CDIN1: variants seen among roughly 807,000 people sequenced by gnomAD.
The protein encoded by CDIN1 is CDAN1-interacting nuclease 1.
A neutral mutation model predicts 45.3 loss-of-function variants in CDIN1; 33 were observed. The ratio of observed to expected loss-of-function variants is 0.73; its 90% CI spans 0.55 to 0.97. The LOEUF (loss-of-function observed/expected upper bound fraction) is 0.97, where lower values mean the gene tolerates loss of function less well. CDIN1 is among the 50% of genes least tolerant of loss of function. The probability of loss-of-function intolerance (pLI) is 0.00; values close to 1 mark genes in which losing one functional copy is unlikely to be tolerated. For missense variants in CDIN1, 303 were observed against 339.4 expected (o/e 0.89, Z 0.84); for synonymous variants, 118 against 124.4 (o/e 0.95, Z 0.34).
intron 10 of CDIN1, among the ~76,000 whole-genome samples, chr15:36,767,810 T>A (rs1488944788): frequency 1.3e-5 from 2 of 152,176 alleles, no homozygotes; most frequent in African/African-American, 4.8e-5. Context: ...ACAGACAGTA[T>A]AGGTGACATC....
chr15:36,659,058 G>A (rs1412976683), intron 5 of CDIN1, among the ~76,000 whole-genome samples: 2 of 152,178 alleles, frequency 1.3e-5, no homozygotes, highest in Non-Finnish European at 2.9e-5. Flanking sequence ...CTTCGCAGCA[G>A]CACCGCCATT....
chr15:36,739,129 A>C (rs1377653182), intron 10 of CDIN1, among the ~76,000 whole-genome samples: 1 of 152,240 alleles, frequency 6.6e-6, no homozygotes, highest in African/African-American at 2.4e-5. Context: ...GCAGTGGCTC[A>C]TGCCTATAAT....
At chr15:36,647,922 C>T (rs1478874418) in intron 3 of CDIN1, among the ~76,000 whole-genome samples, 1 of 150,062 alleles carries the variant, frequency 6.7e-6, no homozygotes, top group African/African-American at 2.5e-5. Context: ...TCACTGCAAA[C>T]TCCGCCTCCC....
At chr15:36,609,779 T>A (rs1323584591) in intron 1 of CDIN1, among the ~76,000 whole-genome samples, 1 of 152,206 alleles carries the variant, frequency 6.6e-6, no homozygotes, top group Non-Finnish European at 1.5e-5. Context: ...AGTCACTTAC[T>A]GTCTTGGAGC....
intron 10 of CDIN1, among the ~76,000 whole-genome samples, chr15:36,760,723 G>C (rs1290993728): frequency 3.3e-5 from 5 of 150,870 alleles, no homozygotes; most frequent in Admixed American, 2.6e-4. Context: ...AATGGTGGTG[G>C]TGGTGCTGGT....
chr15:36,734,902 C>T (rs965850607), intron 10 of CDIN1, among the ~76,000 whole-genome samples: 2 of 152,106 alleles, frequency 1.3e-5, no homozygotes, highest in African/African-American at 4.8e-5. Context: ...TCTCCTGTGT[C>T]TAGACTTCCA....
chr15:36,782,593 T>C (rs2054380829), intron 10 of CDIN1, among the ~76,000 whole-genome samples: 1 of 152,152 alleles, frequency 6.6e-6, no homozygotes, highest in Non-Finnish European at 1.5e-5. Flanking sequence ...AGCGCACTTG[T>C]GTGTGTGTAG....
At chr15:36,613,693 G>A (rs1198276552) in intron 1 of CDIN1, 7 of 1,498,676 alleles carry the variant, frequency 4.7e-6, no homozygotes. Context: ...CTACTGCCCT[G>A]CAAAAGCTAG....
At chr15:36,756,037 G>C in intron 10 of CDIN1, 1 of 455,940 alleles carries the variant, frequency 2.2e-6, no homozygotes, top group Non-Finnish European at 4.4e-6. Context: ...GCAAGGAGAA[G>C]CGTTGATGCC....
rs2055323864 is a variant in CDIN1, at chr15:36,809,079, G to A, written c.*626G>A. On this transcript the variant is annotated 3_prime_UTR_variant, in exon 11 of 11. Transcript: ENST00000566621. Reference sequence around the variant, plus strand: ...ATCTTTACGGCTTCCTGACTTCTGTGACAGTAAGCCAAGTGCAAAAATACA... The same window carrying A: ...ATCTTTACGGCTTCCTGACTTCTGTAACAGTAAGCCAAGTGCAAAAATACA... 8.0e-6 allele frequency: 3 copies of A among 372,898 alleles called. No individual in the cohort carries two copies. The highest frequency in any genetic ancestry group is 1.6e-5 in the Non-Finnish European group (3 of 185,306). The allele number at this position is 372,898 out of a possible 1,614,324, so 23.1% of individuals were successfully genotyped here.
intron 1 of CDIN1, among the ~76,000 whole-genome samples, chr15:36,587,301 T>C (rs2037350940): frequency 6.6e-6 from 1 of 152,240 alleles, no homozygotes; most frequent in Non-Finnish European, 1.5e-5. Context: ...TTTAAATTGC[T>C]GTTCCTAGTA....
intron 4 of CDIN1, among the ~76,000 whole-genome samples, chr15:36,656,023 C>T (rs967534221): frequency 6.6e-6 from 1 of 152,054 alleles, no homozygotes; most frequent in Non-Finnish European, 1.5e-5. Context: ...CAAGAGAAAA[C>T]GTAGTTGTTT....
chr15:36,731,559 T>C (rs917948022), intron 10 of CDIN1, among the ~76,000 whole-genome samples: 3 of 152,280 alleles, frequency 2.0e-5, no homozygotes, highest in East Asian at 3.9e-4. Flanking sequence ...CATGGAGATA[T>C]GTTCAAGTTT....
At chr15:36,740,925 T>C (rs2044214034) in intron 10 of CDIN1, among the ~76,000 whole-genome samples, 1 of 152,078 alleles carries the variant, frequency 6.6e-6, no homozygotes, top group East Asian at 1.9e-4. Flanking sequence ...TCTCCTGCAT[T>C]TCAATTTTTT....
intron 1 of CDIN1, among the ~76,000 whole-genome samples, chr15:36,588,156 A>G (rs1182279745): frequency 1.3e-5 from 2 of 152,164 alleles, no homozygotes; most frequent in African/African-American, 4.8e-5. Context: ...CTGAACATGT[A>G]AGATTTGATT....
chr15:36,708,464 T>A (rs1434812679), intron 8 of CDIN1: 8 of 25,994 alleles, frequency 3.1e-4, no homozygotes, highest in Admixed American at 8.7e-4. Context: ...GTGGATTTTT[T>A]TTTTTTTTTT....
rs116319731 is a variant in CDIN1, at chr15:36,618,460, A to G, written c.102-25818A>G. 3.9e-4 allele frequency: 377 copies of G among 969,816 alleles called. No individual in the cohort carries two copies. The African/African-American group carries it at 4.8e-3, about 12-fold the overall frequency. 60.1% of individuals were successfully genotyped at this position (969,816 alleles called of 1,614,324 possible). ...GGTCGAAGATGACGACAAGATGTCAATCTCAAGACCTCATCCTTCAACAGC... is the reference window on the plus strand; with the variant it reads ...GGTCGAAGATGACGACAAGATGTCAGTCTCAAGACCTCATCCTTCAACAGC... On this transcript the variant is annotated intron_variant, in intron 1 of 10. Transcript: ENST00000566621.
At chr15:36,763,962 T>G (rs1179902435) in intron 10 of CDIN1, among the ~76,000 whole-genome samples, 1 of 152,192 alleles carries the variant, frequency 6.6e-6, no homozygotes, top group African/African-American at 2.4e-5. Flanking sequence ...CAGTATCCAT[T>G]CTCTATGCGT....
At chr15:36,710,691 C>T (rs538666490) in intron 10 of CDIN1, among the ~76,000 whole-genome samples, 45 of 152,178 alleles carry the variant, frequency 3.0e-4, no homozygotes, top group African/African-American at 1.0e-3. Context: ...ATTGCAGTCC[C>T]GTGTTCACAC....
Sources: allele counts gnomAD v4.1 joint callset (sites outside exome capture counted in the v4.1 genomes callset), GRCh38; gene constraint gnomAD v4.1.1; transcripts MANE v1.5; gene names NCBI Gene and HGNC (gene_info 2026-07-23, HGNC 2026-07-21).